The following ZNF136 variants were observed in gnomAD, a reference collection of about 807,000 sequenced individuals.
ZNF136 encodes zinc finger protein 136, also known as zinc finger protein 136 (clone pHZ-20).
ZNF136 carries 8 observed loss-of-function variants against 11.4 expected under a neutral mutation model. The observed-to-expected ratio is 0.70, with a 90% CI of 0.41 to 1.27. ZNF136 has a LOEUF of 1.27. Ranked by LOEUF, ZNF136 falls within the 50% of genes most tolerant of loss-of-function variation. ZNF136 has a pLI of 0.01. For missense variants in ZNF136, 590 were observed against 656.5 expected (o/e 0.90, Z 1.11); for synonymous variants, 190 against 207.1 (o/e 0.92, Z 0.71).
chr19:12,176,029 A>G (rs1474669897), intron 1 of ZNF136, among the ~76,000 whole-genome samples: 1 of 152,030 alleles, frequency 6.6e-6, no homozygotes, highest in Non-Finnish European at 1.5e-5. Context: ...TATTTTTAGT[A>G]CCTCCATTGT....
At position 12,187,517 on chromosome 19, in the gene ZNF136, G is replaced by A. The variant is rs138117827; in HGVS notation, c.1139G>A (p.Arg380Gln). 3.2e-5 allele frequency: 51 copies of A among 1,613,416 alleles called. No individual in the cohort carries two copies. The Admixed American group carries it at 3.5e-4, about 11-fold the overall frequency. Reference protein sequence around the residue: ...GEAFSCIPSMRRHMIKHTGEG... With the variant: ...GEAFSCIPSMQRHMIKHTGEG... ...GCATTCAGTTGTATCCCAAGTATGC[G>A]AAGACACATGATAAAACATACTGGA... The change falls in exon 4 of 4, where the codon CGA (arginine) becomes CAA (glutamine). Residue 380 changes from arginine (R) to glutamine (Q), a missense_variant. Coordinates refer to ENST00000343979, the MANE Select transcript of ZNF136 (RefSeq NM_003437.5).
intron 1 of ZNF136, among the ~76,000 whole-genome samples, chr19:12,169,821 GTC>G (rs1810363780): frequency 6.8e-6 from 1 of 147,180 alleles, no homozygotes; most frequent in African/African-American, 2.5e-5. Flanking sequence ...TTGAGACAGA[GTC>G]TCTCTCTGTC....
rs1197141105 is a variant in ZNF136, at chr19:12,187,919, C to T, written c.1541C>T (p.Ser514Phe). Residue 514 changes from serine to phenylalanine, a missense_variant, in exon 4 of 4, where the codon TCT (serine) becomes TTT (phenylalanine). By Grantham distance (155) the Ser-to-Phe change is radical. Coordinates refer to ENST00000343979, the MANE Select transcript of ZNF136 (RefSeq NM_003437.5). ...YHCKECGKAY[S>F]CRASFQRHML... Reference sequence around the variant, plus strand: ...TGCAAGGAATGTGGGAAAGCCTATTCTTGCCGTGCCAGCTTTCAGAGACAC... The same window carrying T: ...TGCAAGGAATGTGGGAAAGCCTATTTTTGCCGTGCCAGCTTTCAGAGACAC... 6.3e-7 allele frequency: 1 copy of T among 1,577,790 alleles called. No individual in the cohort carries two copies.
chr19:12,167,712 T>C (rs55962153), intron 1 of ZNF136, among the ~76,000 whole-genome samples: 26,507 of 152,082 alleles, frequency 0.17, 2,753 homozygotes, highest in African/African-American at 0.28. Flanking sequence ...AAAATACAGG[T>C]GCCTGCCACC....
chr19:12,167,928 C>T (rs986663265), intron 1 of ZNF136, among the ~76,000 whole-genome samples: 6 of 152,038 alleles, frequency 3.9e-5, no homozygotes, highest in Admixed American at 6.6e-5. Flanking sequence ...CCTTGTTAAC[C>T]ACTCAGTTCT....
intron 1 of ZNF136, among the ~76,000 whole-genome samples, chr19:12,176,001 A>AC (rs1914781212): frequency 6.6e-6 from 1 of 152,128 alleles, no homozygotes; most frequent in African/African-American, 2.4e-5. Flanking sequence ...AGGTTCTTCC[A>AC]CTACCTTTTA....
chr19:12,177,871 T>A (rs1320382038), intron 1 of ZNF136, among the ~76,000 whole-genome samples: 1 of 151,998 alleles, frequency 6.6e-6, no homozygotes, highest in African/African-American at 2.4e-5. Context: ...ACTTTGGGAG[T>A]CTGAGGCAGG....
At chr19:12,171,464 G>A (rs1568398726) in intron 1 of ZNF136, among the ~76,000 whole-genome samples, 2 of 152,040 alleles carry the variant, frequency 1.3e-5, no homozygotes, top group Non-Finnish European at 1.5e-5. Context: ...TTTACACTAG[G>A]ATTGAGCATT....
Position 12,188,052 on chromosome 19 carries a change from T to A in ZNF136, c.*51T>A. ...TAAAATACTCACTGAAGAGAAGCCC[T>A]ATGAATGTAAGTAACGTGGGAAAGC... On this transcript the variant is annotated 3_prime_UTR_variant, in exon 4 of 4. Transcript: ENST00000343979. 1 of 1,419,596 alleles carries A rather than the reference T, an allele frequency of 7.0e-7. No individual in the cohort carries two copies. The highest frequency in any genetic ancestry group is 9.3e-7 in the Non-Finnish European group (1 of 1,076,072). 87.9% of individuals were successfully genotyped at this position (1,419,596 alleles called of 1,614,324 possible). A position where few individuals can be genotyped will look rare whatever the true frequency, so the allele number is the denominator to read the frequency against.
chr19:12,181,479 G>GT lies in ZNF136; in HGVS notation c.4-4293dup, dbSNP rs61067620. On this transcript the variant is annotated intron_variant, in intron 1 of 3. Coordinates refer to ENST00000343979, the MANE Select transcript of ZNF136 (RefSeq NM_003437.5). ...TTGTTTTGTTTTTGCATTTGTTTTT[G>GT]TTTTTTTTTTTTTGGTGGAGTCTCA... Among the ~76,000 whole-genome samples, 420 of 140,764 alleles carry GT rather than the reference G, an allele frequency of 3.0e-3. 1 individual carries two copies. The highest frequency in any genetic ancestry group is 0.018 in the Middle Eastern group (5 of 282). The allele number at this position is 140,764 out of a possible 152,430, so 92.3% of individuals were successfully genotyped here. A position where few individuals can be genotyped will look rare whatever the true frequency, so the allele number is the denominator to read the frequency against.
Position 12,186,550 on chromosome 19 carries a change from G to A in ZNF136, c.192-20G>A, listed in dbSNP as rs271196. 7.8e-3 allele frequency: 12,119 copies of A among 1,549,074 alleles called. 844 individuals carry two copies. The African/African-American group carries it at 0.15, about 19-fold the overall frequency. On this transcript the variant is annotated intron_variant, in intron 3 of 3. Coordinates refer to ENST00000343979, the MANE Select transcript of ZNF136 (RefSeq NM_003437.5). ...AAATGATTAACAAATCCTTAGTAATGTCCGTCTCATTTTTTACAGAAGTCA... is the reference window on the plus strand; with the variant it reads ...AAATGATTAACAAATCCTTAGTAATATCCGTCTCATTTTTTACAGAAGTCA...
intron 1 of ZNF136, among the ~76,000 whole-genome samples, chr19:12,169,711 C>T (rs918482366): frequency 6.6e-6 from 1 of 151,828 alleles, no homozygotes; most frequent in African/African-American, 2.4e-5. Flanking sequence ...CGGGTTCATG[C>T]GATTCTCCTG....
intron 1 of ZNF136, 75 bp from the exon 2 acceptor site, chr19:12,185,710 C>A (rs1218778050): frequency 1.3e-6 from 2 of 1,546,496 alleles, no homozygotes; most frequent in African/African-American, 2.8e-5. Context: ...ATGTGAACTT[C>A]TTATGAATTG....
intron 1 of ZNF136, among the ~76,000 whole-genome samples, chr19:12,181,651 G>C (rs1474576330): frequency 6.6e-6 from 1 of 151,090 alleles, no homozygotes; most frequent in South Asian, 2.1e-4. Context: ...TTTTTTTGGG[G>C]GGGGACAGAG....
chr19:12,187,076 T>C lies in ZNF136; in HGVS notation c.698T>C (p.Phe233Ser). 3 of 1,614,126 alleles carry C rather than the reference T, an allele frequency of 1.9e-6. No homozygotes were observed. The highest frequency in any genetic ancestry group is 2.5e-6 in the Non-Finnish European group (3 of 1,180,008). Residue 233 changes from phenylalanine (F) to serine (S), a missense_variant, in exon 4 of 4, where the codon TTC becomes TCC. By Grantham distance (155) the Phe-to-Ser change is radical (BLOSUM62 -2). Coordinates refer to ENST00000343979, the MANE Select transcript of ZNF136 (RefSeq NM_003437.5). Reference sequence around the variant, plus strand: ...GAATGTCAGGAATGTGGAAAAGCCTTCACTTGTATCACAAGTGTTCGAAGA... The same window carrying C: ...GAATGTCAGGAATGTGGAAAAGCCTCCACTTGTATCACAAGTGTTCGAAGA... ...PYECQECGKA[F>S]TCITSVRRHM...
intron 1 of ZNF136, 103 bp from the exon 2 acceptor site, chr19:12,185,682 T>C (rs1216736118): frequency 8.9e-6 from 13 of 1,452,750 alleles, no homozygotes; most frequent in Non-Finnish European, 8.3e-6. Flanking sequence ...GGAGTAAATG[T>C]TTGCAGACCC....
intron 1 of ZNF136, among the ~76,000 whole-genome samples, chr19:12,170,834 T>C (rs1236580606): frequency 2.0e-5 from 3 of 150,628 alleles, no homozygotes; most frequent in Non-Finnish European, 3.0e-5. Context: ...CACACCCAGC[T>C]AATTTTTTTT....
intron 1 of ZNF136, among the ~76,000 whole-genome samples, chr19:12,170,104 A>AT (rs1255721489): frequency 3.3e-5 from 4 of 123,020 alleles, no homozygotes; most frequent in African/African-American, 5.8e-5. Context: ...ATTTTTTTGT[A>AT]TTTTTAGTAG....
rs1599460553 is a variant in ZNF136, at chr19:12,186,105, CTG to C, written c.131-7_131-6del. On this transcript the variant is annotated splice_region_variant and splice_polypyrimidine_tract_variant and intron_variant, in intron 2 of 3. Transcript: ENST00000343979. ...ACTAATTCAGAATTTTTCTGGGTCT[CTG>C]TTTTAGGGAAAAAATGGAAGGACCA... The C allele has an allele frequency of 6.2e-7, 1 of 1,606,206 alleles. No individual in the cohort carries two copies. The highest frequency in any genetic ancestry group is 8.5e-7 in the Non-Finnish European group (1 of 1,178,074).
Sources: allele counts gnomAD v4.1 joint callset (sites outside exome capture counted in the v4.1 genomes callset), GRCh38; gene constraint gnomAD v4.1.1; transcripts MANE v1.5; gene names NCBI Gene and HGNC (gene_info 2026-07-23, HGNC 2026-07-21).